The following SLC39A14 variants were observed in gnomAD, a reference collection of about 807,000 sequenced individuals.
SLC39A14 encodes solute carrier family 39 member 14, also known as metal cation symporter ZIP14.
SLC39A14 carries 19 observed loss-of-function variants against 45.5 expected under a neutral mutation model. The ratio of observed to expected loss-of-function variants is 0.42; its 90% CI spans 0.29 to 0.61. The LOEUF (loss-of-function observed/expected upper bound fraction) is 0.61. Ranked by LOEUF, SLC39A14 falls within the 20% of genes least tolerant of loss-of-function variation. The pLI, the probability that SLC39A14 is intolerant of heterozygous loss-of-function variation, is 0.22. For missense variants in SLC39A14, 447 were observed against 616.5 expected (o/e 0.73, Z 2.91); for synonymous variants, 264 against 251.3 (o/e 1.05, Z -0.48).
At chr8:22,417,979 T>G in intron 8 of SLC39A14, 144 bp downstream of exon 8, 1 of 657,178 alleles carries the variant, frequency 1.5e-6, no homozygotes, top group Non-Finnish European at 2.4e-6. Context: ...CTCAGCTCAC[T>G]GCAACCTCCG....
At chr8:22,432,158 C>T (rs1013476341) in intron 8 of SLC39A14, among the ~76,000 whole-genome samples, 6 of 151,952 alleles carry the variant, frequency 3.9e-5, no homozygotes, top group African/African-American at 1.2e-4. Context: ...TAGGAAGACC[C>T]CCCATCTCTA....
At chr8:22,410,854 G>C (rs566140337) in intron 3 of SLC39A14, among the ~76,000 whole-genome samples, 1 of 152,322 alleles carries the variant, frequency 6.6e-6, no homozygotes, top group South Asian at 2.1e-4. Flanking sequence ...CTCAAGCAGG[G>C]ATGCTGCTGT....
At chr8:22,392,652 G>A (rs1403908811) in intron 1 of SLC39A14, among the ~76,000 whole-genome samples, 1 of 152,276 alleles carries the variant, frequency 6.6e-6, no homozygotes, top group South Asian at 2.1e-4. Flanking sequence ...CCCTGGCCTC[G>A]GGTGGGGAAA....
chr8:22,408,584 C>G, intron 3 of SLC39A14, 88 bp downstream of exon 3: 1 of 1,231,744 alleles, frequency 8.1e-7, no homozygotes, highest in Non-Finnish European at 1.1e-6. Context: ...CTGCTCCTCA[C>G]TGAATGCCTC....
At chr8:22,401,849 TTC>T in intron 1 of SLC39A14, among the ~76,000 whole-genome samples, 1 of 152,142 alleles carries the variant, frequency 6.6e-6, no homozygotes, top group Middle Eastern at 3.4e-3. Context: ...TTTGTCTGTG[TTC>T]TTTCTCAGTT....
chr8:22,388,936 A>G (rs1833924460), intron 1 of SLC39A14, among the ~76,000 whole-genome samples: 1 of 152,144 alleles, frequency 6.6e-6, no homozygotes, highest in South Asian at 2.1e-4. Flanking sequence ...GTTGATAAGT[A>G]TTTATAGTTA....
intron 4 of SLC39A14, among the ~76,000 whole-genome samples, chr8:22,413,241 C>T (rs764645903): frequency 1.3e-5 from 2 of 152,194 alleles, no homozygotes; most frequent in African/African-American, 2.4e-5. Context: ...TGACTGCATG[C>T]GCCTCTTACA....
At position 22,412,314 on chromosome 8, in the gene SLC39A14, G is replaced by A. The variant is rs1835619973; in HGVS notation, c.627+108G>A. 10 of 1,191,244 alleles carry A rather than the reference G, an allele frequency of 8.4e-6. No individual in the cohort carries two copies. The South Asian group carries it at 1.2e-4, about 15-fold the overall frequency. 73.8% of individuals were successfully genotyped at this position (1,191,244 alleles called of 1,614,324 possible). ...GGGCACCTGGAGGCCCTTTCCTTTTGGAAAGCGAAGCTAGAACTTAGGCGT... is the reference window on the plus strand; with the variant it reads ...GGGCACCTGGAGGCCCTTTCCTTTTAGAAAGCGAAGCTAGAACTTAGGCGT... On this transcript the variant is annotated intron_variant, in intron 4 of 8. Coordinates refer to ENST00000381237, the MANE Select transcript of SLC39A14 (RefSeq NM_001128431.4).
chr8:22,423,786 TTC>T (rs58420252), downstream of SLC39A14, among the ~76,000 whole-genome samples: 217 of 121,870 alleles, frequency 1.8e-3, 2 homozygotes, highest in African/African-American at 3.8e-3. Context: ...TTTAATTGGT[TTC>T]TCTCTCTCTC....
chr8:22,417,808 G>A lies in SLC39A14; in HGVS notation c.1305G>A (p.Met435Ile), dbSNP rs1480515597. ...ANWIFALAGG[M>I]FLYISLADMF... Reference sequence around the variant, plus strand: ...GGATTTTTGCGCTAGCTGGAGGAATGTTCTTGTATATTTCTCTGGCTGATA... The same window carrying A: ...GGATTTTTGCGCTAGCTGGAGGAATATTCTTGTATATTTCTCTGGCTGATA... The change falls in exon 8 of 9, where the codon ATG becomes ATA. Residue 435 changes from methionine (M) to isoleucine (I), a missense_variant. By Grantham distance (10) the Met-to-Ile change is conservative. Coordinates refer to ENST00000381237, the MANE Select transcript of SLC39A14 (RefSeq NM_001128431.4). The A allele has an allele frequency of 6.2e-7, 1 of 1,614,096 alleles. No individual in the cohort carries two copies. The highest frequency in any genetic ancestry group is 2.2e-5 in the East Asian group (1 of 44,884).
chr8:22,382,997 C>T (rs1010704808), intron 1 of SLC39A14, among the ~76,000 whole-genome samples: 9 of 151,960 alleles, frequency 5.9e-5, no homozygotes, highest in African/African-American at 1.9e-4. Context: ...GGATTACAGG[C>T]GTGAGTCACC....
At chr8:22,372,303 G>C in intron 1 of SLC39A14, among the ~76,000 whole-genome samples, 1 of 152,024 alleles carries the variant, frequency 6.6e-6, no homozygotes. Context: ...TCTTCCCCCA[G>C]CTTTTCAATA....
chr8:22,432,696 G>T lies in SLC39A14; in HGVS notation c.1333-1195G>T, dbSNP rs1480471434. 2.0e-5 allele frequency among the ~76,000 whole-genome samples: 3 copies of T among 147,496 alleles called. No individual in the cohort carries two copies. The East Asian group carries it at 6.0e-4, about 29-fold the overall frequency. ...GAGTCCCGCTCTTGTTGCCCACGCT[G>T]GAGTGCAATGGCATGATCTCAGCTC... On this transcript the variant is annotated intron_variant, in intron 8 of 8. Coordinates refer to the SLC39A14 transcript ENST00000240095.
At chr8:22,428,460 T>C (rs995616147) in intron 8 of SLC39A14, among the ~76,000 whole-genome samples, 1 of 149,218 alleles carries the variant, frequency 6.7e-6, no homozygotes, top group African/African-American at 2.5e-5. Flanking sequence ...TTTTTTTTTT[T>C]GAGACTGAGT....
At chr8:22,395,201 G>A (rs576472913) in intron 1 of SLC39A14, among the ~76,000 whole-genome samples, 1 of 151,962 alleles carries the variant, frequency 6.6e-6, no homozygotes, top group East Asian at 1.9e-4. Flanking sequence ...GTAGAGTTGG[G>A]GTTTCGCCAT....
chr8:22,431,128 C>T (rs1251698088), intron 8 of SLC39A14, among the ~76,000 whole-genome samples: 1 of 151,984 alleles, frequency 6.6e-6, no homozygotes, highest in African/African-American at 2.4e-5. Context: ...GCTGGGACTA[C>T]AGGCACGTGC....
chr8:22,375,013 T>A (rs1164188190), intron 1 of SLC39A14, among the ~76,000 whole-genome samples: 1 of 151,834 alleles, frequency 6.6e-6, no homozygotes, highest in Non-Finnish European at 1.5e-5. Flanking sequence ...CCCAGAGTGC[T>A]GGGATTACAG....
intron 8 of SLC39A14, among the ~76,000 whole-genome samples, chr8:22,429,267 G>A (rs958618155): frequency 3.3e-5 from 5 of 152,048 alleles, no homozygotes; most frequent in African/African-American, 7.2e-5. Flanking sequence ...GCCAGACTCC[G>A]TCTCAAAAAC....
At chr8:22,374,258 C>G (rs1218604166) in intron 1 of SLC39A14, among the ~76,000 whole-genome samples, 2 of 152,104 alleles carry the variant, frequency 1.3e-5, no homozygotes, top group Non-Finnish European at 2.9e-5. Flanking sequence ...ACCTGGGGTC[C>G]TTGAGCAGTC....
Sources: gnomAD v4.1 joint callset for allele counts (sites outside exome capture counted in the v4.1 genomes callset) on GRCh38, gnomAD v4.1.1 for gene constraint, MANE v1.5 for transcripts, NCBI Gene and HGNC (gene_info 2026-07-23, HGNC 2026-07-21) for gene names.